The following PDE4B variants were observed in gnomAD, a reference collection of about 807,000 sequenced individuals.
PDE4B encodes phosphodiesterase 4B.
Under a neutral mutation model 82.2 loss-of-function variants are expected in PDE4B, and 20 were observed. That is an observed-to-expected ratio of 0.24 (90% CI 0.17 to 0.35). PDE4B has a LOEUF of 0.35. PDE4B is among the 10% of genes least tolerant of loss of function. The pLI, the probability that PDE4B is intolerant of heterozygous loss-of-function variation, is 1.00. For missense variants in PDE4B, 655 were observed against 907.2 expected, an observed-to-expected ratio of 0.72 and a Z score of 3.57; for synonymous variants, 320 against 318.9, an observed-to-expected ratio of 1.00 and a Z score of -0.04.
chr1:66,254,512 A>G (rs1177755705), intron 4 of PDE4B, among the ~76,000 whole-genome samples: 1 of 151,868 alleles, frequency 6.6e-6, no homozygotes, highest in Non-Finnish European at 1.5e-5. Context: ...AACTATCCCT[A>G]CTTTTGTAGG....
At chr1:66,206,977 C>A (rs1649604376) in intron 3 of PDE4B, among the ~76,000 whole-genome samples, 1 of 152,112 alleles carries the variant, frequency 6.6e-6, no homozygotes, top group African/African-American at 2.4e-5. Flanking sequence ...TGTTTGTTTT[C>A]CCCAGGCAAA....
intron 3 of PDE4B, among the ~76,000 whole-genome samples, chr1:66,216,602 T>C (rs560409524): frequency 1.3e-5 from 2 of 152,290 alleles, no homozygotes; most frequent in African/African-American, 4.8e-5. Flanking sequence ...ATCATATTAT[T>C]AGACAAAGCA....
intron 3 of PDE4B, among the ~76,000 whole-genome samples, chr1:66,088,863 T>A (rs1330457962): frequency 1.3e-5 from 2 of 152,092 alleles, no homozygotes; most frequent in East Asian, 3.9e-4. Context: ...GTAGAAACTT[T>A]AAGAGTTAGT....
chr1:66,367,731 G>A lies in PDE4B; in HGVS notation c.1420G>A (p.Val474Met). 6.2e-7 allele frequency: 1 copy of A among 1,613,526 alleles called. No individual in the cohort carries two copies. The highest frequency in any genetic ancestry group is 8.5e-7 in the Non-Finnish European group (1 of 1,179,646). Residue 474 changes from valine to methionine, a missense_variant, in exon 14 of 17, where the codon GTG becomes ATG. Transcript: ENST00000341517. ...ELALMYNDES[V>M]LENHHLAVGF... Reference sequence around the variant, plus strand: ...TGCTTTGATGTATAATGATGAATCTGTGTTGGAAAATCATCACCTTGCTGT... The same window carrying A: ...TGCTTTGATGTATAATGATGAATCTATGTTGGAAAATCATCACCTTGCTGT...
At chr1:66,224,644 G>A (rs983800410) in intron 3 of PDE4B, among the ~76,000 whole-genome samples, 9 of 152,302 alleles carry the variant, frequency 5.9e-5, no homozygotes, top group Admixed American at 2.0e-4. Flanking sequence ...ACTTGAGCTT[G>A]GGAGGCAGAG....
intron 7 of PDE4B, among the ~76,000 whole-genome samples, chr1:66,322,478 C>G (rs537042693): frequency 1.4e-4 from 21 of 152,104 alleles, no homozygotes; most frequent in African/African-American, 4.1e-4. Context: ...AAGAAAAAAA[C>G]AACTCCATCA....
At chr1:65,860,816 CAT>C (rs1646445911) in intron 1 of PDE4B, among the ~76,000 whole-genome samples, 1 of 152,148 alleles carries the variant, frequency 6.6e-6, no homozygotes, top group African/African-American at 2.4e-5. Context: ...AGCTCTTTTT[CAT>C]ATGTTTGTTG....
intron 8 of PDE4B, among the ~76,000 whole-genome samples, chr1:66,351,336 G>C (rs545673167): frequency 7.2e-5 from 11 of 152,278 alleles, no homozygotes; most frequent in Admixed American, 5.2e-4. Context: ...CCTGTTTGTG[G>C]ATTTCTCTAC....
chr1:66,130,456 A>C (rs997268280), intron 3 of PDE4B, among the ~76,000 whole-genome samples: 22 of 152,186 alleles, frequency 1.4e-4, no homozygotes, highest in Non-Finnish European at 7.4e-5. Context: ...AATTTGGGAA[A>C]ATATGATCAA....
intron 7 of PDE4B, among the ~76,000 whole-genome samples, chr1:66,283,561 A>AACTT (rs111431909): frequency 0.63 from 94,658 of 151,406 alleles, 30,200 homozygotes; most frequent in African/African-American, 0.72. Context: ...GAATTTTTAC[A>AACTT]ACTTTTTAAA....
chr1:65,939,917 T>C (rs1648352113), intron 3 of PDE4B, among the ~76,000 whole-genome samples: 1 of 152,112 alleles, frequency 6.6e-6, no homozygotes, highest in South Asian at 2.1e-4. Context: ...AACTTACTAA[T>C]CCTGTATTAA....
At chr1:65,849,894 T>C (rs1241290452) in intron 1 of PDE4B, among the ~76,000 whole-genome samples, 1 of 152,104 alleles carries the variant, frequency 6.6e-6, no homozygotes. Context: ...TTATTGCAAA[T>C]TGGATATGGA....
intron 3 of PDE4B, among the ~76,000 whole-genome samples, chr1:66,199,746 T>C (rs1648707369): frequency 6.6e-6 from 1 of 152,196 alleles, no homozygotes; most frequent in Non-Finnish European, 1.5e-5. Flanking sequence ...TCCATAAAAA[T>C]TAAATTACCA....
chr1:66,246,353 A>T (rs1653309240), intron 3 of PDE4B, among the ~76,000 whole-genome samples: 1 of 152,248 alleles, frequency 6.6e-6, no homozygotes, highest in Non-Finnish European at 1.5e-5. Context: ...GGAAAGAACC[A>T]AGAATGTAGA....
At chr1:66,243,994 T>C (rs190116720) in intron 3 of PDE4B, among the ~76,000 whole-genome samples, 1 of 152,376 alleles carries the variant, frequency 6.6e-6, no homozygotes, top group Non-Finnish European at 1.5e-5. Context: ...TGTGAGTAAC[T>C]TCCTGTCTTA....
At chr1:66,305,348 G>A (rs1201546030) in intron 7 of PDE4B, among the ~76,000 whole-genome samples, 2 of 152,160 alleles carry the variant, frequency 1.3e-5, no homozygotes, top group Admixed American at 1.3e-4. Flanking sequence ...AAGACTCATA[G>A]AGATATGAAA....
intron 3 of PDE4B, among the ~76,000 whole-genome samples, chr1:66,001,129 C>T (rs1378718070): frequency 6.6e-6 from 1 of 152,090 alleles, no homozygotes; most frequent in Non-Finnish European, 1.5e-5. Flanking sequence ...ATATTAAAAT[C>T]ATCTTCATCT....
chr1:66,177,864 G>A (rs578163654), intron 3 of PDE4B, among the ~76,000 whole-genome samples: 7 of 152,150 alleles, frequency 4.6e-5, no homozygotes, highest in African/African-American at 1.7e-4. Flanking sequence ...TACAGGAGTC[G>A]ATACAGGCTT....
At chr1:65,907,778 A>G (rs12030350) in intron 1 of PDE4B, among the ~76,000 whole-genome samples, 1 of 152,188 alleles carries the variant, frequency 6.6e-6, no homozygotes, top group Non-Finnish European at 1.5e-5. Flanking sequence ...AAATACACCA[A>G]TGCCTCATTA....
Sources: gnomAD v4.1 joint callset for allele counts (sites outside exome capture counted in the v4.1 genomes callset) on GRCh38, gnomAD v4.1.1 for gene constraint, MANE v1.5 for transcripts, NCBI Gene and HGNC (gene_info 2026-07-23, HGNC 2026-07-21) for gene names.